Variants in ADGRL1 observed in about 807,000 individuals in gnomAD.
The protein encoded by ADGRL1 is adhesion G protein-coupled receptor L1.
In ADGRL1, 31 loss-of-function variants were observed where a neutral mutation model predicts 148.9. That is an observed-to-expected ratio of 0.21 (90% CI 0.16 to 0.28). The LOEUF is 0.28. ADGRL1 is among the 10% of genes least tolerant of loss of function. The pLI is 1.00. For synonymous variants in ADGRL1, 937 were observed against 900.3 expected (o/e 1.04, Z -0.73); for missense variants, 1,521 against 2,058.8 (o/e 0.74, Z 5.05).
chr19:14,191,680 T>A (rs544208030), intron 1 of ADGRL1, among the ~76,000 whole-genome samples: 4 of 151,064 alleles, frequency 2.6e-5, no homozygotes, highest in African/African-American at 9.7e-5. Flanking sequence ...GGGAGACAGA[T>A]CCCTGCTGTC....
At position 14,150,833 on chromosome 19, in the gene ADGRL1, C is replaced by T. The variant is rs749059053; in HGVS notation, c.*40G>A. ...ACCAGAGCCCTGCCCAGGGTTCCCTCCCTGGCCTGGGCCACCAGCCCCTGG... is the reference window on the plus strand; with the variant it reads ...ACCAGAGCCCTGCCCAGGGTTCCCTTCCTGGCCTGGGCCACCAGCCCCTGG... On this transcript the variant is annotated 3_prime_UTR_variant, in exon 23 of 23. Coordinates refer to ENST00000361434, the MANE Select transcript of ADGRL1 (RefSeq NM_014921.5). 2 of 1,595,820 alleles carry T rather than the reference C, an allele frequency of 1.3e-6. No homozygotes were observed. The highest frequency in any genetic ancestry group is 1.7e-6 in the Non-Finnish European group (2 of 1,172,820).
At chr19:14,167,108 G>T in intron 4 of ADGRL1, 2 of 1,267,104 alleles carry the variant, frequency 1.6e-6, no homozygotes, top group South Asian at 2.5e-5. Context: ...AAAAAAAAGA[G>T]ATTAAATTGC....
In ADGRL1 at chr19:14,149,815, A is replaced by ACTGCC. The variant is rs1967977825; in HGVS notation, c.*1057_*1058insGGCAG. On this transcript the variant is annotated 3_prime_UTR_variant, in exon 23 of 23. Coordinates refer to ENST00000361434, the MANE Select transcript of ADGRL1 (RefSeq NM_014921.5). ...GGACTGGGGATGCACGTACACGGAG[A>ACTGCC]AGTCCTGGCTGCCAGGCCAGCAGCG... is the stretch of plus-strand genomic sequence containing the variant. 6.6e-6 allele frequency: 1 copy of ACTGCC among 151,506 alleles called. No individual in the cohort carries two copies. The highest frequency in any genetic ancestry group is 1.5e-5 in the Non-Finnish European group (1 of 67,846). The allele number at this position is 151,506 out of a possible 1,614,324, so 9.4% of individuals were successfully genotyped here. A position where few individuals can be genotyped will look rare whatever the true frequency, so the allele number is the denominator to read the frequency against.
In ADGRL1 at chr19:14,163,399, C is replaced by A. The variant is rs1040145685; in HGVS notation, c.402G>T (p.Val134=). 1.9e-6 allele frequency: 3 copies of A among 1,556,394 alleles called. No homozygotes were observed. The highest frequency in any genetic ancestry group is 2.6e-6 in the Non-Finnish European group (3 of 1,152,392). The change falls in exon 5 of 23, where the codon GTG becomes GTT. Residue 134 remains valine, a synonymous_variant. Coordinates refer to ENST00000361434, the MANE Select transcript of ADGRL1 (RefSeq NM_014921.5). ...VQYDCVPYIF[V]CPGTLQKVLE... Reference sequence around the variant, plus strand: ...GCACCTTCTGCAGGGTCCCTGGGCACACGAAGACTGGGCAGAGTGGGCGGG... The same window carrying A: ...GCACCTTCTGCAGGGTCCCTGGGCAAACGAAGACTGGGCAGAGTGGGCGGG...
intron 3 of ADGRL1, among the ~76,000 whole-genome samples, chr19:14,171,538 C>A (rs1970471040): frequency 6.6e-6 from 1 of 152,202 alleles, no homozygotes; most frequent in African/African-American, 2.4e-5. Flanking sequence ...GACTTTAAAG[C>A]CCCTGCGCTG....
Position 14,162,915 on chromosome 19 carries a change from G to A in ADGRL1, c.886C>T (p.Arg296Cys). ...VVSQLNPYTLRFEGTWETGYD... is the reference protein window; with the variant it reads ...VVSQLNPYTLCFEGTWETGYD... ...CCCGTCTCCCACGTGCCCTCAAAGC[G>A]CAGTGTGTAGGGGTTCAGCTGGCTC... The change falls in exon 5 of 23, where the codon CGC becomes TGC. Residue 296 changes from arginine to cysteine, a missense_variant. Physicochemically the swap from Arg to Cys is radical, Grantham distance 180. Around this residue, in one of 8 missense-constraint regions of ADGRL1, gnomAD observed 334 missense variants for 512.5 expected, o/e 0.65. Transcript: ENST00000361434. The surrounding 1 kb of genome is among the most constrained non-coding windows in gnomAD (Gnocchi z 5.4). 6.2e-7 allele frequency: 1 copy of A among 1,613,454 alleles called. No individual in the cohort carries two copies. The highest frequency in any genetic ancestry group is 1.3e-5 in the African/African-American group (1 of 75,024).
chr19:14,151,262 G>C lies in ADGRL1; in HGVS notation c.4021C>G (p.Leu1341Val). 6.2e-7 allele frequency: 1 copy of C among 1,612,088 alleles called. No individual in the cohort carries two copies. The highest frequency in any genetic ancestry group is 8.5e-7 in the Non-Finnish European group (1 of 1,179,724). ...LYKALEEPLL[L>V]PRAQSVLYQS... ...TACAGCACCGACTGGGCCCGGGGCA[G>C]CAGCAGAGGCTCCTCCAGGGCCTTA... Residue 1341 changes from leucine (L) to valine (V), a missense_variant, in exon 23 of 23, where the codon CTG becomes GTG. Coordinates refer to ENST00000361434, the MANE Select transcript of ADGRL1 (RefSeq NM_014921.5).
In ADGRL1 at chr19:14,159,214, G is replaced by A. The variant is rs1239580875; in HGVS notation, c.2025C>T (p.Val675=). ...CTGTGTTCAGGACTGTGACCTCCAG[G>A]ACTGTGGGGACAGGGGAAGGCAAGG... The part of the protein sequence containing the change: ...ARFLAAKENV[V]LEVTVLNTEG... The change falls in exon 11 of 23, where the codon GTC becomes GTT. Residue 675 remains valine, a splice_region_variant and synonymous_variant. Transcript: ENST00000361434. This position sits in a 1 kb window ranked among gnomAD's most constrained non-coding sequence, Gnocchi z 6.0. The A allele has an allele frequency of 6.2e-7, 1 of 1,614,058 alleles. No individual in the cohort carries two copies.
intron 1 of ADGRL1, among the ~76,000 whole-genome samples, chr19:14,199,858 T>C (rs562342240): frequency 1.3e-5 from 2 of 152,214 alleles, no homozygotes; most frequent in Admixed American, 6.5e-5. Context: ...CTCAGACTCC[T>C]GATTAGCTGG....
chr19:14,187,923 C>T (rs1329495679), intron 1 of ADGRL1, among the ~76,000 whole-genome samples: 1 of 151,962 alleles, frequency 6.6e-6, no homozygotes, highest in East Asian at 1.9e-4. Context: ...AGCAGAGGAA[C>T]TGGTTAGAGG....
rs201140401 is a variant in ADGRL1, at chr19:14,160,313, G to A, written c.1615-16C>T. On this transcript the variant is annotated splice_polypyrimidine_tract_variant and intron_variant, in intron 7 of 22. Coordinates refer to ENST00000361434, the MANE Select transcript of ADGRL1 (RefSeq NM_014921.5). This position sits in a 1 kb window ranked among gnomAD's most constrained non-coding sequence, Gnocchi z 5.9. ...CACTCTTGATCTGCATGAGGTGGGG[G>A]CGGGAAGGGGGAATCCCAGGACTGT... 6.5e-5 allele frequency: 103 copies of A among 1,579,246 alleles called. No homozygotes were observed. In the African/African-American group the frequency reaches 1.3e-3, roughly 20 times the overall value.
chr19:14,176,094 G>T (rs1434520495), intron 3 of ADGRL1, among the ~76,000 whole-genome samples: 1 of 151,902 alleles, frequency 6.6e-6, no homozygotes, highest in Non-Finnish European at 1.5e-5. Context: ...GCTTACACCT[G>T]TAGTCCCAGC....
chr19:14,204,574 G>A (rs531020888), intron 1 of ADGRL1, among the ~76,000 whole-genome samples: 20 of 152,078 alleles, frequency 1.3e-4, no homozygotes, highest in South Asian at 2.1e-4. Context: ...TCAACGGCCC[G>A]GAATAGACAT....
intron 3 of ADGRL1, among the ~76,000 whole-genome samples, chr19:14,175,585 C>T (rs1297821812): frequency 6.6e-6 from 1 of 152,084 alleles, no homozygotes; most frequent in Non-Finnish European, 1.5e-5. Context: ...CCCAGATACA[C>T]ACTCCAATAC....
chr19:14,151,165 G>C lies in ADGRL1; in HGVS notation c.4118C>G (p.Pro1373Arg). Residue 1373 changes from proline (P) to arginine (R), a missense_variant, in exon 23 of 23, where the codon CCT becomes CGT. By Grantham distance (103) the Pro-to-Arg change is moderately radical. Around this residue, in one of 8 missense-constraint regions of ADGRL1, gnomAD observed 390 missense variants for 375.0 expected, o/e 1.04. Transcript: ENST00000361434. ...GGCATAGAGGGAGTCCCGGCCAGGA[G>C]GGGAGGAGAGGGGCCGGCTGGTGGC... ...DGATSRPLSS[P>R]PGRDSLYASG... 1 of 1,608,590 alleles carries C rather than the reference G, an allele frequency of 6.2e-7. No individual in the cohort carries two copies. Among genetic ancestry groups the C allele is most frequent in the South Asian group, 1.1e-5 (1 of 90,620 alleles).
chr19:14,178,582 G>A (rs74183063), intron 2 of ADGRL1, among the ~76,000 whole-genome samples: 3 of 152,106 alleles, frequency 2.0e-5, no homozygotes, highest in Non-Finnish European at 2.9e-5. Context: ...GCAGTGGTGC[G>A]ATCATGGCTC....
chr19:14,166,502 C>T (rs1357190329), intron 4 of ADGRL1, among the ~76,000 whole-genome samples: 2 of 151,908 alleles, frequency 1.3e-5, no homozygotes. Context: ...AGCCCGCCTC[C>T]CATGAACCAG....
In ADGRL1 at chr19:14,160,713, A is replaced by T. The variant is rs750973837; in HGVS notation, c.1511-17T>A. On this transcript the variant is annotated splice_polypyrimidine_tract_variant and intron_variant, in intron 6 of 22. Coordinates refer to ENST00000361434, the MANE Select transcript of ADGRL1 (RefSeq NM_014921.5). This position sits in a 1 kb window ranked among gnomAD's most constrained non-coding sequence, Gnocchi z 5.9. ...AGGCAATTCCTGCAGGGACAGACAG[A>T]CAGGAACAGACAAGGGAGCCAAAGG... is the stretch of plus-strand genomic sequence containing the variant. 9 of 1,460,440 alleles carry T rather than the reference A, an allele frequency of 6.2e-6. No homozygotes were observed. The South Asian group carries it at 1.0e-4, about 17-fold the overall frequency. The allele number at this position is 1,460,440 out of a possible 1,614,324, so 90.5% of individuals were successfully genotyped here.
intron 1 of ADGRL1, among the ~76,000 whole-genome samples, chr19:14,198,308 C>T (rs1305558712): frequency 2.0e-5 from 3 of 152,150 alleles, no homozygotes; most frequent in East Asian, 3.9e-4. Flanking sequence ...GTCCTCTGGC[C>T]GCAGAGGTGG....
Sources: gnomAD v4.1 joint callset for allele counts (sites outside exome capture counted in the v4.1 genomes callset) on GRCh38, gnomAD v4.1.1 for gene constraint, gnomAD v4.1.1 regional missense constraint, Gnocchi (gnomAD v3.1) non-coding constraint, MANE v1.5 for transcripts, NCBI Gene and HGNC (gene_info 2026-07-23, HGNC 2026-07-21) for gene names.